The following ITPR1 variants were observed in gnomAD, a reference collection of about 807,000 sequenced individuals.
ITPR1 encodes inositol 1,4,5-trisphosphate receptor type 1.
In ITPR1, 96 loss-of-function variants were observed where a neutral mutation model predicts 318.4. The observed-to-expected ratio is 0.30, with a 90% CI of 0.26 to 0.36. The LOEUF (loss-of-function observed/expected upper bound fraction) is 0.36. Among genes scored for constraint, ITPR1 ranks in the 10% least tolerant of loss-of-function variants. The probability of loss-of-function intolerance (pLI) is 1.00; values close to 1 mark genes in which losing one functional copy is unlikely to be tolerated. For synonymous variants in ITPR1, 1,312 were observed against 1,289.9 expected (o/e 1.02, Z -0.37); for missense variants, 2,440 against 3,460.2 (o/e 0.71, Z 7.40).
In ITPR1 at chr3:4,733,280, A is replaced by G. The variant is rs1438117190; in HGVS notation, c.5353+60A>G. On this transcript the variant is annotated intron_variant, in intron 43 of 61. Coordinates refer to ENST00000649015, the MANE Select transcript of ITPR1 (RefSeq NM_001378452.1). ...ATCAAGTGTGTTCTGTGATAGCTGC[A>G]TGTTTCCTCCTAACAGGTTGAAATG... The G allele has an allele frequency of 3.2e-6, 5 of 1,580,786 alleles. No homozygotes were observed. The South Asian group carries it at 3.4e-5, about 11-fold the overall frequency.
chr3:4,590,534 A>C (rs1559499269), intron 4 of ITPR1, among the ~76,000 whole-genome samples: 1 of 149,340 alleles, frequency 6.7e-6, no homozygotes, highest in Non-Finnish European at 1.5e-5. Flanking sequence ...AATAATAATA[A>C]TAATTTTTTA....
chr3:4,587,316 C>A (rs1183978186), intron 4 of ITPR1, among the ~76,000 whole-genome samples: 1 of 150,070 alleles, frequency 6.7e-6, no homozygotes, highest in African/African-American at 2.5e-5. Flanking sequence ...GTCTGTTGCC[C>A]AGGCTGGAGT....
At chr3:4,732,283 T>G (rs1463063371) in intron 42 of ITPR1, among the ~76,000 whole-genome samples, 2 of 152,176 alleles carry the variant, frequency 1.3e-5, no homozygotes, top group African/African-American at 4.8e-5. Flanking sequence ...ATTTATATTT[T>G]TAAAAAATTT....
chr3:4,704,844 C>T (rs146382047), intron 36 of ITPR1, among the ~76,000 whole-genome samples: 1 of 151,996 alleles, frequency 6.6e-6, no homozygotes, highest in Non-Finnish European at 1.5e-5. Flanking sequence ...ACACCCAGAA[C>T]CCACTGTGTT....
chr3:4,560,008 G>C (rs2086517112), intron 4 of ITPR1, among the ~76,000 whole-genome samples: 1 of 152,162 alleles, frequency 6.6e-6, no homozygotes, highest in Non-Finnish European at 1.5e-5. Flanking sequence ...ATAGCTCTGT[G>C]ACTTTGGGTG....
In ITPR1 at chr3:4,783,943, G is replaced by A. The variant is rs760535537; in HGVS notation, c.6615+23G>A. 1.2e-5 allele frequency: 19 copies of A among 1,538,370 alleles called. No individual in the cohort carries two copies. In the Middle Eastern group the frequency reaches 5.1e-4, roughly 42 times the overall value. On this transcript the variant is annotated intron_variant, in intron 51 of 61. Coordinates refer to ENST00000649015, the MANE Select transcript of ITPR1 (RefSeq NM_001378452.1). ...GAGGTAAAAGCTGAGTAAACTCAGG[G>A]CATGGGGTTGTGTTGAGGCCATTAG...
intron 39 of ITPR1, among the ~76,000 whole-genome samples, chr3:4,713,554 C>T (rs997545173): frequency 1.3e-5 from 2 of 152,186 alleles, no homozygotes; most frequent in Non-Finnish European, 2.9e-5. Flanking sequence ...GTGTGCTGCC[C>T]TGCTCCCTGC....
chr3:4,784,425 C>T (rs771537069), intron 51 of ITPR1, among the ~76,000 whole-genome samples: 5 of 152,008 alleles, frequency 3.3e-5, no homozygotes, highest in Admixed American at 6.6e-5. Flanking sequence ...GAGGGAGATC[C>T]GAAGGGAAAG....
At chr3:4,750,816 CAG>C (rs1243922917) in intron 44 of ITPR1, 1 of 152,144 alleles carries the variant, frequency 6.6e-6, no homozygotes, top group African/African-American at 2.4e-5. Context: ...TCTCCGGAAA[CAG>C]AATATTTTCC....
chr3:4,737,768 A>C (rs953628088), intron 44 of ITPR1, among the ~76,000 whole-genome samples: 2 of 152,172 alleles, frequency 1.3e-5, no homozygotes, highest in Non-Finnish European at 2.9e-5. Flanking sequence ...CTGATAAAAG[A>C]GTTCATATCT....
chr3:4,654,468 A>G (rs1170807795), intron 12 of ITPR1, among the ~76,000 whole-genome samples: 1 of 152,242 alleles, frequency 6.6e-6, no homozygotes, highest in African/African-American at 2.4e-5. Flanking sequence ...TCGCCAAGTA[A>G]TGCTGATACG....
chr3:4,727,667 T>A, intron 42 of ITPR1, among the ~76,000 whole-genome samples: 1 of 152,182 alleles, frequency 6.6e-6, no homozygotes, highest in East Asian at 1.9e-4. Context: ...CTCAACCTCC[T>A]GGGCTCAAGA....
chr3:4,531,976 G>A (rs567519867), intron 4 of ITPR1, among the ~76,000 whole-genome samples: 1 of 152,260 alleles, frequency 6.6e-6, no homozygotes, highest in East Asian at 1.9e-4. Context: ...TGGAAAATGG[G>A]GAAATTATTA....
At chr3:4,685,025 T>A in intron 29 of ITPR1, 44 bp from the exon 30 acceptor site, 1 of 1,590,346 alleles carries the variant, frequency 6.3e-7, no homozygotes, top group African/African-American at 1.3e-5. Context: ...TTTTTCCAGC[T>A]ATAGTTCCTA....
At chr3:4,680,214 A>C (rs2094270393) in intron 24 of ITPR1, among the ~76,000 whole-genome samples, 1 of 152,220 alleles carries the variant, frequency 6.6e-6, no homozygotes, top group Non-Finnish European at 1.5e-5. Context: ...TGTTAGGCCC[A>C]GAGTTGACAT....
In ITPR1 at chr3:4,711,832, G is replaced by A; in HGVS notation, c.5067G>A (p.Arg1689=). 6.5e-7 allele frequency: 1 copy of A among 1,543,996 alleles called. No homozygotes were observed. The highest frequency in any genetic ancestry group is 8.8e-7 in the Non-Finnish European group (1 of 1,141,834). ...KLCIKVLQTL[R]EMMTKDRGYG... is the part of the protein sequence containing the mutation. ...GCATTAAGGTCCTACAGACCCTGAG[G>A]GAAATGATGACCAAAGATAGAGGCT... The change falls in exon 39 of 62, where the codon AGG becomes AGA. Residue 1689 remains arginine (R), a synonymous_variant. Coordinates refer to ENST00000649015, the MANE Select transcript of ITPR1 (RefSeq NM_001378452.1).
intron 4 of ITPR1, among the ~76,000 whole-genome samples, chr3:4,610,403 C>T (rs2092000385): frequency 6.6e-6 from 1 of 151,724 alleles, no homozygotes; most frequent in Non-Finnish European, 1.5e-5. Flanking sequence ...AGACAGTCTG[C>T]TCTTCCTTTG....
At chr3:4,726,038 T>C (rs1157122270) in intron 41 of ITPR1, among the ~76,000 whole-genome samples, 1 of 152,148 alleles carries the variant, frequency 6.6e-6, no homozygotes, top group Non-Finnish European at 1.5e-5. Flanking sequence ...TTAAAAATAT[T>C]TTTATTTTTT....
intron 12 of ITPR1, among the ~76,000 whole-genome samples, chr3:4,656,065 C>G (rs4560283): frequency 0.35 from 53,203 of 151,934 alleles, 9,927 homozygotes; most frequent in African/African-American, 0.46. Flanking sequence ...CTAAATTCAG[C>G]ACCCTGAAGA....
Sources: allele counts gnomAD v4.1 joint callset (sites outside exome capture counted in the v4.1 genomes callset), GRCh38; gene constraint gnomAD v4.1.1; transcripts MANE v1.5; gene names NCBI Gene and HGNC (gene_info 2026-07-23, HGNC 2026-07-21).